Variants in BCAS3 observed in about 807,000 individuals in gnomAD.
BCAS3 encodes BCAS3 microtubule associated cell migration factor.
A neutral mutation model predicts 116.1 loss-of-function variants in BCAS3; 53 were observed. That is an observed-to-expected ratio of 0.46 (90% CI 0.37 to 0.57). The LOEUF (loss-of-function observed/expected upper bound fraction) is 0.57. Among genes scored for constraint, BCAS3 ranks in the 20% least tolerant of loss-of-function variants. The pLI is 0.00. For synonymous variants in BCAS3, 391 were observed against 408.2 expected (o/e 0.96, Z 0.51); for missense variants, 917 against 1,165.4 (o/e 0.79, Z 3.10).
Position 61,368,318 on chromosome 17 carries a change from G to A in BCAS3, c.2426-9G>A. On this transcript the variant is annotated splice_polypyrimidine_tract_variant and intron_variant, in intron 22 of 23. Transcript: ENST00000407086. The surrounding 1 kb of genome is among the most constrained non-coding windows in gnomAD (Gnocchi z 6.0). ...GGACTCAACGTCAGATGTCCCGTGT[G>A]TGCCACAGGTACCTTTGACAGGAGC... 1.9e-6 allele frequency: 3 copies of A among 1,586,108 alleles called. No homozygotes were observed. The highest frequency in any genetic ancestry group is 2.6e-6 in the Non-Finnish European group (3 of 1,158,972).
At chr17:60,757,291 G>A (rs1230930735) in intron 6 of BCAS3, among the ~76,000 whole-genome samples, 1 of 150,612 alleles carries the variant, frequency 6.6e-6, no homozygotes, top group East Asian at 2.0e-4. Context: ...TTCCAGCCTG[G>A]GCGACAGAGC....
intron 22 of BCAS3, among the ~76,000 whole-genome samples, chr17:61,252,697 T>C (rs1268099878): frequency 6.6e-6 from 1 of 152,100 alleles, no homozygotes; most frequent in Non-Finnish European, 1.5e-5. Flanking sequence ...TCTCATCCTC[T>C]GCCCTCTGCT....
rs1312515610 is a variant in BCAS3, at chr17:61,004,908, AT to A, written c.1487-10841del. 6.6e-6 allele frequency among the ~76,000 whole-genome samples: 1 copy of A among 152,172 alleles called. No individual in the cohort carries two copies. The highest frequency in any genetic ancestry group is 1.5e-5 in the Non-Finnish European group (1 of 68,022). ...AGCCATCTCTAGTAAGGAATGCTTA[AT>A]TAATGTTCAATAATATTTCACTCTG... On this transcript the variant is annotated intron_variant, in intron 15 of 23. Coordinates refer to ENST00000407086, the MANE Select transcript of BCAS3 (RefSeq NM_017679.5). This position sits in a 1 kb window ranked among gnomAD's most constrained non-coding sequence, Gnocchi z 4.8.
In BCAS3 at chr17:61,122,136, A is replaced by AT. The variant is rs2075823073; in HGVS notation, c.2425+37574dup. Among the ~76,000 whole-genome samples, 1 of 152,234 alleles carries AT rather than the reference A, an allele frequency of 6.6e-6. No individual in the cohort carries two copies. Among genetic ancestry groups the AT allele is most frequent in the Non-Finnish European group, 1.5e-5 (1 of 68,036 alleles). On this transcript the variant is annotated intron_variant, in intron 22 of 23. Coordinates refer to ENST00000407086, the MANE Select transcript of BCAS3 (RefSeq NM_017679.5). This position sits in a 1 kb window ranked among gnomAD's most constrained non-coding sequence, Gnocchi z 4.6. ...TTGCCACAGCTGAAATAGGAAGAGTATTGAACAGTCTCCCTTCCCCCAGTT... is the reference window on the plus strand; with the variant it reads ...TTGCCACAGCTGAAATAGGAAGAGTATTTGAACAGTCTCCCTTCCCCCAGTT...
At chr17:60,678,780 G>A (rs1397644553) in intron 1 of BCAS3, among the ~76,000 whole-genome samples, 1 of 152,164 alleles carries the variant, frequency 6.6e-6, no homozygotes, top group Non-Finnish European at 1.5e-5. Context: ...TGTACCATGT[G>A]TATTTTCACT....
Position 61,378,979 on chromosome 17 carries a change from AGT to A in BCAS3, c.2593+10487_2593+10488del, listed in dbSNP as rs1320564478. ...CAGTGATTCCTATCAACAAGGAGGA[AGT>A]GCCAGTGCGACCTCTGTGACCCTTC... On this transcript the variant is annotated intron_variant, in intron 23 of 23. Transcript: ENST00000407086. The surrounding 1 kb of genome is among the most constrained non-coding windows in gnomAD (Gnocchi z 5.8). The A allele has an allele frequency of 6.6e-6, 1 of 152,298 alleles. No homozygotes were observed. The highest frequency in any genetic ancestry group is 6.5e-5 in the Admixed American group (1 of 15,288). 9.4% of individuals were successfully genotyped at this position (152,298 alleles called of 1,614,324 possible).
At chr17:60,898,609 C>T (rs1218577366) in intron 10 of BCAS3, among the ~76,000 whole-genome samples, 1 of 152,086 alleles carries the variant, frequency 6.6e-6, no homozygotes, top group Non-Finnish European at 1.5e-5. Context: ...CTGAGTGTGC[C>T]TATCCTTGTG....
chr17:60,915,850 T>C (rs1393240478), intron 12 of BCAS3, among the ~76,000 whole-genome samples: 2 of 151,808 alleles, frequency 1.3e-5, no homozygotes, highest in African/African-American at 4.9e-5. Context: ...ACCTAGCTAA[T>C]TTTATGTATT....
intron 22 of BCAS3, among the ~76,000 whole-genome samples, chr17:61,212,947 C>A (rs965050254): frequency 6.6e-6 from 1 of 152,122 alleles, no homozygotes; most frequent in Non-Finnish European, 1.5e-5. Context: ...TTTGCTTATA[C>A]TTTATCCCTT....
intron 5 of BCAS3, among the ~76,000 whole-genome samples, chr17:60,722,285 G>C (rs1475541670): frequency 6.6e-6 from 1 of 152,164 alleles, no homozygotes; most frequent in Non-Finnish European, 1.5e-5. Context: ...ATAAGTACAT[G>C]TTTACCTTCA....
intron 7 of BCAS3, among the ~76,000 whole-genome samples, chr17:60,824,227 A>G (rs535413872): frequency 2.4e-4 from 36 of 152,202 alleles, no homozygotes; most frequent in Non-Finnish European, 5.0e-4. Flanking sequence ...GTCACTAAGT[A>G]GGCATACATG....
intron 12 of BCAS3, among the ~76,000 whole-genome samples, chr17:60,916,239 C>T (rs979837439): frequency 1.8e-4 from 27 of 152,186 alleles, no homozygotes; most frequent in Non-Finnish European, 3.4e-4. Context: ...AGTGCCTGTG[C>T]TATTTTATAT....
chr17:60,910,008 T>C (rs1284597552), intron 11 of BCAS3, among the ~76,000 whole-genome samples: 3 of 152,320 alleles, frequency 2.0e-5, no homozygotes, highest in African/African-American at 2.4e-5. Context: ...CAAATCTTGG[T>C]ATACAGTATT....
intron 22 of BCAS3, among the ~76,000 whole-genome samples, chr17:61,242,226 GGATT>G (rs2047585120): frequency 6.6e-6 from 1 of 150,974 alleles, no homozygotes; most frequent in Non-Finnish European, 1.5e-5. Flanking sequence ...CAGTGAGCCA[GGATT>G]GCACCATTGC....
chr17:61,322,046 G>A lies in BCAS3; in HGVS notation c.2426-46281G>A, dbSNP rs1380248494. 2.0e-5 allele frequency among the ~76,000 whole-genome samples: 3 copies of A among 152,050 alleles called. No homozygotes were observed. In the East Asian group the frequency reaches 5.8e-4, roughly 29 times the overall value. ...CCTCCCAGGTTCAAGCAATTCTCCT[G>A]CCTCAGCCTCCCGAGTAGCTGGGAT... On this transcript the variant is annotated intron_variant, in intron 22 of 23. Coordinates refer to ENST00000407086, the MANE Select transcript of BCAS3 (RefSeq NM_017679.5).
At chr17:60,680,596 C>T (rs531521093) in intron 2 of BCAS3, among the ~76,000 whole-genome samples, 1 of 151,526 alleles carries the variant, frequency 6.6e-6, no homozygotes, top group Non-Finnish European at 1.5e-5. Context: ...TCTATACTTA[C>T]TAGAGTGAGT....
chr17:60,747,457 T>G (rs1005347834), intron 6 of BCAS3, among the ~76,000 whole-genome samples, 178 bp downstream of exon 6: 1 of 152,254 alleles, frequency 6.6e-6, no homozygotes, highest in African/African-American at 2.4e-5. Flanking sequence ...ATAGGTAATC[T>G]TAACCAATTC....
chr17:60,713,340 T>C (rs1214152460), intron 5 of BCAS3, among the ~76,000 whole-genome samples: 1 of 152,254 alleles, frequency 6.6e-6, no homozygotes, highest in Non-Finnish European at 1.5e-5. Context: ...GCCATTACTC[T>C]GTCAGAACCC....
intron 22 of BCAS3, among the ~76,000 whole-genome samples, chr17:61,291,543 G>T (rs530142595): frequency 6.6e-6 from 1 of 152,134 alleles, no homozygotes; most frequent in Non-Finnish European, 1.5e-5. Context: ...CATATTTGCC[G>T]GGAAAAAAAT....
Sources: allele counts gnomAD v4.1 joint callset (sites outside exome capture counted in the v4.1 genomes callset), GRCh38; gene constraint gnomAD v4.1.1; non-coding constraint Gnocchi (gnomAD v3.1); transcripts MANE v1.5; gene names NCBI Gene and HGNC (gene_info 2026-07-23, HGNC 2026-07-21).